LIN9: variants seen among roughly 807,000 people sequenced by gnomAD.
LIN9 encodes lin-9 DREAM MuvB core complex component.
A neutral mutation model predicts 78.0 loss-of-function variants in LIN9; 18 were observed. That is an observed-to-expected ratio of 0.23 (90% CI 0.16 to 0.34). The LOEUF is 0.34. LIN9 is among the 10% of genes least tolerant of loss of function. The pLI is 1.00. For missense variants in LIN9, 451 were observed against 644.1 expected (o/e 0.70, Z 3.25); for synonymous variants, 192 against 215.2 (o/e 0.89, Z 0.94).
intron 6 of LIN9, among the ~76,000 whole-genome samples, chr1:226,278,217 T>C (rs1173143758): frequency 6.6e-6 from 1 of 151,956 alleles, no homozygotes; most frequent in Non-Finnish European, 1.5e-5. Context: ...TCAATTGAGG[T>C]CAGGAGTTAG....
intron 4 of LIN9, among the ~76,000 whole-genome samples, chr1:226,289,858 G>A (rs1661638108): frequency 9.1e-6 from 1 of 109,730 alleles, no homozygotes; most frequent in Non-Finnish European, 2.0e-5. Flanking sequence ...GGGGGGGGTG[G>A]GAAAGCTAGG....
intron 10 of LIN9, among the ~76,000 whole-genome samples, chr1:226,252,812 C>T (rs1384706714): frequency 6.6e-6 from 1 of 151,896 alleles, no homozygotes; most frequent in Non-Finnish European, 1.5e-5. Flanking sequence ...ACTAAAAATA[C>T]AAAAATTAGC....
chr1:226,283,671 G>C (rs1661215643), intron 6 of LIN9, among the ~76,000 whole-genome samples: 1 of 152,064 alleles, frequency 6.6e-6, no homozygotes, highest in African/African-American at 2.4e-5. Flanking sequence ...TTCCAGGCCA[G>C]GCATGGTAGC....
At position 226,265,672 on chromosome 1, in the gene LIN9, T is replaced by C. The variant is rs781347151; in HGVS notation, c.937-38A>G. On this transcript the variant is annotated intron_variant, in intron 9 of 14. Transcript: ENST00000681046. The surrounding 1 kb of genome is among the most constrained non-coding windows in gnomAD (Gnocchi z 4.1). ...AAAGGAATTATTTAATCATTGACTA[T>C]TCAGAGGAAGTATCTTATTTTTTTA... 1 of 1,079,168 alleles carries C rather than the reference T, an allele frequency of 9.3e-7. No homozygotes were observed. Among genetic ancestry groups the C allele is most frequent in the Admixed American group, 2.0e-5 (1 of 49,508 alleles). 66.8% of individuals were successfully genotyped at this position (1,079,168 alleles called of 1,614,324 possible). A position where few individuals can be genotyped will look rare whatever the true frequency, so the allele number is the denominator to read the frequency against.
At chr1:226,293,884 T>G (rs1576351355) in intron 4 of LIN9, among the ~76,000 whole-genome samples, 1 of 152,374 alleles carries the variant, frequency 6.6e-6, no homozygotes, top group East Asian at 1.9e-4. Context: ...CTTTTTTTTT[T>G]GAAGTTCAAG....
At position 226,309,111 on chromosome 1, in the gene LIN9, T is replaced by C. The variant is rs1663119524; in HGVS notation, c.29A>G (p.Glu10Gly). 1 of 1,329,428 alleles carries C rather than the reference T, an allele frequency of 7.5e-7. No homozygotes were observed. The highest frequency in any genetic ancestry group is 9.7e-7 in the Non-Finnish European group (1 of 1,028,260). 82.4% of individuals were successfully genotyped at this position (1,329,428 alleles called of 1,614,324 possible). The change falls in exon 1 of 15, where the codon GAG becomes GGG. Residue 10 changes from glutamate to glycine, a missense_variant and splice_region_variant. Glu to Gly is a moderately conservative substitution (Grantham distance 98). Coordinates refer to ENST00000681046, the MANE Select transcript of LIN9 (RefSeq NM_001366245.2). MAELDQLPD[E>G]SSSAKALVSL... The stretch of plus-strand genomic sequence containing the variant: ...GGGTGCTTTGAGGTGCTACTCACTC[T>C]CGTCAGGCAACTGGTCGAGCTCCGC...
At position 226,297,765 on chromosome 1, in the gene LIN9, T is replaced by C; in HGVS notation, c.113A>G (p.Lys38Arg). The change falls in exon 3 of 15, where the codon AAA (lysine) becomes AGA (arginine). Residue 38 changes from lysine to arginine, a missense_variant. Lys to Arg is a conservative substitution (Grantham distance 26). Transcript: ENST00000681046. ...TWNEKYSSLQ[K>R]TPVWKGRNTS... ...ATTCCTGCCTTTCCAAACAGGTGTT[T>C]TCTGTAAAGAACTGTACTTTTCATT... 6.3e-7 allele frequency: 1 copy of C among 1,597,134 alleles called. No homozygotes were observed. The highest frequency in any genetic ancestry group is 1.1e-5 in the South Asian group (1 of 87,440).
intron 12 of LIN9, among the ~76,000 whole-genome samples, chr1:226,237,721 G>A (rs1478142494): frequency 1.3e-5 from 2 of 151,836 alleles, no homozygotes; most frequent in Admixed American, 6.6e-5. Context: ...GCCGAGGAGG[G>A]CGGATCACTT....
At chr1:226,273,608 T>TTTC (rs943982437) in intron 7 of LIN9, among the ~76,000 whole-genome samples, 1 of 152,110 alleles carries the variant, frequency 6.6e-6, no homozygotes, top group East Asian at 1.9e-4. Context: ...TTGCATTTGT[T>TTTC]TTCTTCTTCT....
intron 12 of LIN9, among the ~76,000 whole-genome samples, chr1:226,234,597 G>A (rs1285679882): frequency 6.6e-6 from 1 of 152,034 alleles, no homozygotes; most frequent in Non-Finnish European, 1.5e-5. Flanking sequence ...TTCTTTCTCT[G>A]CCTCAGGTCT....
chr1:226,247,696 G>C (rs1040573652), intron 11 of LIN9, among the ~76,000 whole-genome samples: 20 of 140,700 alleles, frequency 1.4e-4, no homozygotes, highest in African/African-American at 5.1e-4. Flanking sequence ...TTTTGAGACA[G>C]AGTCTCGCTC....
chr1:226,232,550 T>G lies in LIN9; in HGVS notation c.1580A>C (p.Gln527Pro). The G allele has an allele frequency of 1.9e-6, 3 of 1,612,726 alleles. No homozygotes were observed. The highest frequency in any genetic ancestry group is 1.7e-6 in the Non-Finnish European group (2 of 1,179,136). Residue 527 changes from glutamine (Q) to proline (P), a missense_variant, in exon 15 of 15, where the codon CAG (glutamine) becomes CCG (proline). Physicochemically the swap from Gln to Pro is moderately conservative, Grantham distance 76 (BLOSUM62 -1). Transcript: ENST00000681046. ...HVAHIQSGLS[Q>P]MGNLHAFAAN... ...TGCAAAGGCATGTAAGTTTCCCATC[T>G]GGCTCAGGCCACTCTGAATATGTGC...
chr1:226,252,883 C>T (rs1658928445), intron 10 of LIN9, among the ~76,000 whole-genome samples: 1 of 152,054 alleles, frequency 6.6e-6, no homozygotes, highest in East Asian at 1.9e-4. Flanking sequence ...AGGAGAATCG[C>T]TTGAACCCGG....
At chr1:226,278,528 C>T (rs1050791477) in intron 6 of LIN9, among the ~76,000 whole-genome samples, 2 of 151,168 alleles carry the variant, frequency 1.3e-5, no homozygotes, top group South Asian at 2.1e-4. Context: ...AAAATAGGTT[C>T]TTAGATTGTT....
intron 7 of LIN9, among the ~76,000 whole-genome samples, chr1:226,276,843 A>G (rs1253703777): frequency 6.6e-6 from 1 of 152,196 alleles, no homozygotes; most frequent in African/African-American, 2.4e-5. Context: ...GAGTACACAG[A>G]ATCACATCTA....
chr1:226,294,293 A>C (rs1417515246), intron 4 of LIN9, among the ~76,000 whole-genome samples: 1 of 151,356 alleles, frequency 6.6e-6, no homozygotes, highest in Non-Finnish European at 1.5e-5. Flanking sequence ...AAAAAAAAAA[A>C]AACCTGGCTG....
intron 10 of LIN9, among the ~76,000 whole-genome samples, chr1:226,255,330 A>T (rs1009278320): frequency 6.6e-6 from 1 of 152,182 alleles, no homozygotes; most frequent in Admixed American, 6.5e-5. Context: ...CTATTTAACC[A>T]GAAGCTAACA....
At chr1:226,290,190 C>T (rs1012976410) in intron 4 of LIN9, among the ~76,000 whole-genome samples, 3 of 151,916 alleles carry the variant, frequency 2.0e-5, no homozygotes, top group Middle Eastern at 3.2e-3. Flanking sequence ...ACTAGTAACA[C>T]AATGACCCAC....
At chr1:226,286,916 A>C (rs1214236918) in intron 5 of LIN9, among the ~76,000 whole-genome samples, 2 of 152,170 alleles carry the variant, frequency 1.3e-5, no homozygotes, top group African/African-American at 4.8e-5. Context: ...ACACCCTGAA[A>C]ACTCTCTTAA....
Sources: gnomAD v4.1 joint callset for allele counts (sites outside exome capture counted in the v4.1 genomes callset) on GRCh38, gnomAD v4.1.1 for gene constraint, Gnocchi (gnomAD v3.1) non-coding constraint, MANE v1.5 for transcripts, NCBI Gene and HGNC (gene_info 2026-07-23, HGNC 2026-07-21) for gene names.